The following BLNK variants were observed in gnomAD, a reference collection of about 807,000 sequenced individuals.
The protein encoded by BLNK is B cell linker.
BLNK carries 29 observed loss-of-function variants against 73.5 expected under a neutral mutation model. The observed-to-expected ratio is 0.39, with a 90% confidence interval of 0.29 to 0.54. The LOEUF is 0.54. BLNK is among the 20% of genes least tolerant of loss of function. BLNK has a pLI of 0.61. For synonymous variants in BLNK, 176 were observed against 200.8 expected (o/e 0.88, Z 1.04); for missense variants, 460 against 562.8 (o/e 0.82, Z 1.85).
chr10:96,228,021 A>T (rs782122322), intron 4 of BLNK, among the ~76,000 whole-genome samples: 18 of 151,994 alleles, frequency 1.2e-4, no homozygotes, highest in Non-Finnish European at 2.4e-4. Flanking sequence ...GAGATTTTTT[A>T]AAAATTTCAA....
chr10:96,269,069 C>A (rs1189934523), intron 1 of BLNK, among the ~76,000 whole-genome samples: 1 of 152,170 alleles, frequency 6.6e-6, no homozygotes, highest in Non-Finnish European at 1.5e-5. Context: ...GTGCTTCGAG[C>A]CCATTGAGTT....
chr10:96,269,967 G>C (rs547413622), intron 1 of BLNK, among the ~76,000 whole-genome samples: 49 of 152,208 alleles, frequency 3.2e-4, no homozygotes, highest in East Asian at 7.7e-4. Flanking sequence ...CCTCTTAAAA[G>C]TATCTTCTCT....
intron 1 of BLNK, among the ~76,000 whole-genome samples, chr10:96,267,635 T>C (rs1319108998): frequency 6.6e-6 from 1 of 152,214 alleles, no homozygotes; most frequent in Non-Finnish European, 1.5e-5. Flanking sequence ...CAGGGTTCTG[T>C]CATGCTTAAC....
At chr10:96,242,837 A>T (rs997774931) in intron 2 of BLNK, 53 bp from the exon 3 acceptor site, 1 of 1,454,484 alleles carries the variant, frequency 6.9e-7, no homozygotes, top group Non-Finnish European at 9.7e-7. Flanking sequence ...AATGATGGTC[A>T]AAGCCGATGC....
intron 16 of BLNK, among the ~76,000 whole-genome samples, chr10:96,193,919 A>T (rs1277588724): frequency 3.3e-5 from 5 of 152,334 alleles, no homozygotes; most frequent in African/African-American, 9.6e-5. Context: ...TGTATAGGGG[A>T]CATAATCTTT....
intron 1 of BLNK, among the ~76,000 whole-genome samples, chr10:96,260,809 T>G (rs945698312): frequency 6.6e-6 from 1 of 152,158 alleles, no homozygotes; most frequent in East Asian, 1.9e-4. Context: ...TACAAATGTT[T>G]GTCAATAATA....
In BLNK at chr10:96,223,817, T is replaced by C; in HGVS notation, c.525+9A>G. 6.2e-7 allele frequency: 1 copy of C among 1,613,494 alleles called. No homozygotes were observed. Among genetic ancestry groups the C allele is most frequent in the South Asian group, 1.1e-5 (1 of 91,034 alleles). On this transcript the variant is annotated intron_variant, in intron 6 of 16. Coordinates refer to ENST00000224337, the MANE Select transcript of BLNK (RefSeq NM_013314.4). ...GTCCTGGGAAGCCTTTGGCACAGAT[T>C]TACTTTACCTCATCCTCAAGGAGGC...
At chr10:96,211,973 T>C (rs182861330) in intron 8 of BLNK, among the ~76,000 whole-genome samples, 14 of 152,194 alleles carry the variant, frequency 9.2e-5, no homozygotes, top group African/African-American at 3.4e-4. Flanking sequence ...ATCCCAGGGG[T>C]TTTCCCTCTT....
chr10:96,241,373 A>G (rs1246867584), intron 3 of BLNK, among the ~76,000 whole-genome samples: 3 of 152,224 alleles, frequency 2.0e-5, no homozygotes, highest in Admixed American at 6.5e-5. Flanking sequence ...CTATCTTCCA[A>G]CGTATTTGTT....
chr10:96,194,971 G>A (rs934506402), intron 16 of BLNK, among the ~76,000 whole-genome samples: 3 of 151,324 alleles, frequency 2.0e-5, no homozygotes, highest in African/African-American at 7.3e-5. Flanking sequence ...GGGTTTCACC[G>A]TGTTAGCCAG....
At chr10:96,244,165 C>T (rs1842965759) in intron 2 of BLNK, among the ~76,000 whole-genome samples, 1 of 152,128 alleles carries the variant, frequency 6.6e-6, no homozygotes. Context: ...CCTCACAAGC[C>T]AGCAGGGTGG....
intron 1 of BLNK, among the ~76,000 whole-genome samples, chr10:96,250,966 TC>T (rs1452998287): frequency 1.3e-5 from 2 of 152,238 alleles, no homozygotes; most frequent in Non-Finnish European, 2.9e-5. Context: ...TGTGTAATGA[TC>T]AAATAAGGGT....
intron 6 of BLNK, 115 bp downstream of exon 6, chr10:96,223,711 G>C: frequency 7.9e-7 from 1 of 1,260,846 alleles, no homozygotes; most frequent in Admixed American, 1.8e-5. Flanking sequence ...AGAGTTAGAG[G>C]GGGCAGTCAA....
intron 6 of BLNK, 42 bp downstream of exon 6, chr10:96,223,784 C>A (rs781940797): frequency 1.9e-6 from 3 of 1,611,022 alleles, no homozygotes; most frequent in Admixed American, 1.7e-5. Context: ...TGCCCCACCC[C>A]CCTCTGTGTC....
At chr10:96,242,046 A>G (rs587693537) in intron 3 of BLNK, among the ~76,000 whole-genome samples, 1 of 152,282 alleles carries the variant, frequency 6.6e-6, no homozygotes, top group Admixed American at 6.5e-5. Flanking sequence ...CATAATTGAT[A>G]TGGTTTTTCT....
chr10:96,243,712 C>G (rs1554906862), intron 2 of BLNK, among the ~76,000 whole-genome samples: 1 of 152,112 alleles, frequency 6.6e-6, no homozygotes, highest in Admixed American at 6.5e-5. Context: ...TAGTCACAAT[C>G]CTTCTTCATT....
chr10:96,254,284 G>T (rs1843418224), intron 1 of BLNK, among the ~76,000 whole-genome samples: 1 of 152,168 alleles, frequency 6.6e-6, no homozygotes, highest in Admixed American at 6.5e-5. Flanking sequence ...TTAGTCAATG[G>T]TATGATGTCT....
intron 1 of BLNK, among the ~76,000 whole-genome samples, chr10:96,254,067 A>T (rs75334231): frequency 0.014 from 2,165 of 152,090 alleles, 19 homozygotes; most frequent in Non-Finnish European, 0.02. Flanking sequence ...GAAAAAAAAA[A>T]GGATTAGGCC....
intron 1 of BLNK, among the ~76,000 whole-genome samples, chr10:96,249,199 C>A (rs1843174807): frequency 6.6e-6 from 1 of 152,224 alleles, no homozygotes; most frequent in African/African-American, 2.4e-5. Context: ...AAGCAGATTT[C>A]TCTGACTCTG....
Sources: gnomAD v4.1 joint callset for allele counts (sites outside exome capture counted in the v4.1 genomes callset) on GRCh38, gnomAD v4.1.1 for gene constraint, MANE v1.5 for transcripts, NCBI Gene and HGNC (gene_info 2026-07-23, HGNC 2026-07-21) for gene names.